The following TTBK2 variants were observed in gnomAD, a reference collection of about 807,000 sequenced individuals.
The protein encoded by TTBK2 is tau-tubulin kinase 2.
Under a neutral mutation model 110.8 loss-of-function variants are expected in TTBK2, and 28 were observed. The ratio of observed to expected loss-of-function variants is 0.25; its 90% CI spans 0.19 to 0.35. The LOEUF is 0.35. Among genes scored for constraint, TTBK2 ranks in the 10% least tolerant of loss-of-function variants. TTBK2 has a pLI of 1.00. For missense variants in TTBK2, 1,369 were observed against 1,500.3 expected, an observed-to-expected ratio of 0.91 and a Z score of 1.45; for synonymous variants, 532 against 527.3, an observed-to-expected ratio of 1.01 and a Z score of -0.12.
chr15:42,896,575 C>T (rs1895676908), intron 1 of TTBK2, among the ~76,000 whole-genome samples: 1 of 152,016 alleles, frequency 6.6e-6, no homozygotes, highest in Non-Finnish European at 1.5e-5. Context: ...TCGCTGGAGG[C>T]CAGGAGTTTA....
intron 9 of TTBK2, among the ~76,000 whole-genome samples, chr15:42,796,593 T>A (rs2140876640): frequency 6.6e-6 from 1 of 152,334 alleles, no homozygotes; most frequent in Non-Finnish European, 1.5e-5. Context: ...GAGTCTGGTA[T>A]TCTAGACTAA....
intron 11 of TTBK2, 52 bp from the exon 12 acceptor site, chr15:42,777,294 G>A (rs1889973870): frequency 1.9e-6 from 3 of 1,547,632 alleles, no homozygotes; most frequent in African/African-American, 1.4e-5. Context: ...CAACACACAT[G>A]AGAGGAATCA....
rs2061733674 is a variant in TTBK2, at chr15:42,739,021, T to C, written c.*6774A>G. On this transcript the variant is annotated 3_prime_UTR_variant, in exon 15 of 15. Transcript: ENST00000267890. ...TTATTACTAGGTTATAAAAATAAAA[T>C]ACAAAATAATTTTAAAACAGAACTT... 1.3e-5 allele frequency: 2 copies of C among 152,190 alleles called. No individual in the cohort carries two copies. The highest frequency in any genetic ancestry group is 2.4e-5 in the African/African-American group (1 of 41,460). 9.4% of individuals were successfully genotyped at this position (152,190 alleles called of 1,614,324 possible). A position where few individuals can be genotyped will look rare whatever the true frequency, so the allele number is the denominator to read the frequency against.
intron 10 of TTBK2, among the ~76,000 whole-genome samples, chr15:42,788,252 T>A (rs937026932): frequency 3.9e-5 from 6 of 152,154 alleles, no homozygotes; most frequent in Non-Finnish European, 8.8e-5. Flanking sequence ...TGCAGTGTGA[T>A]CAGATAATGT....
At chr15:42,766,526 C>T (rs536549808) in intron 13 of TTBK2, among the ~76,000 whole-genome samples, 4 of 137,494 alleles carry the variant, frequency 2.9e-5, no homozygotes, top group East Asian at 4.3e-4. Flanking sequence ...AAGATCAAAA[C>T]AGACAAAGAA....
At chr15:42,760,116 T>C (rs934576535) in intron 13 of TTBK2, among the ~76,000 whole-genome samples, 1 of 152,104 alleles carries the variant, frequency 6.6e-6, no homozygotes. Flanking sequence ...CCGGGTGTGG[T>C]GGCTCACGCC....
At chr15:42,820,632 C>T (rs1032855125) in intron 6 of TTBK2, among the ~76,000 whole-genome samples, 2 of 152,014 alleles carry the variant, frequency 1.3e-5, no homozygotes, top group African/African-American at 4.8e-5. Flanking sequence ...ACCTAAATGT[C>T]TGCCAATAGG....
At chr15:42,860,549 C>A (rs1894113000) in intron 3 of TTBK2, among the ~76,000 whole-genome samples, 1 of 151,606 alleles carries the variant, frequency 6.6e-6, no homozygotes, top group Non-Finnish European at 1.5e-5. Context: ...GAGCTCAAGA[C>A]CAACTGAACT....
intron 1 of TTBK2, among the ~76,000 whole-genome samples, chr15:42,912,673 C>T (rs180750404): frequency 2.0e-4 from 30 of 150,576 alleles, no homozygotes; most frequent in African/African-American, 6.1e-4. Flanking sequence ...ATTGCAAGAT[C>T]GCGCCATTGC....
chr15:42,815,710 G>A (rs1052659629), intron 7 of TTBK2, among the ~76,000 whole-genome samples: 1 of 150,796 alleles, frequency 6.6e-6, no homozygotes, highest in Non-Finnish European at 1.5e-5. Flanking sequence ...AAAACAAAAG[G>A]TTTGGTGGGG....
chr15:42,804,445 A>G (rs908606057), intron 9 of TTBK2, among the ~76,000 whole-genome samples: 2 of 152,036 alleles, frequency 1.3e-5, no homozygotes, highest in Non-Finnish European at 2.9e-5. Flanking sequence ...CCATCTCAAA[A>G]AAAAAAAAAA....
intron 9 of TTBK2, among the ~76,000 whole-genome samples, chr15:42,803,471 C>T (rs1259194944): frequency 6.6e-6 from 1 of 152,112 alleles, no homozygotes; most frequent in Non-Finnish European, 1.5e-5. Flanking sequence ...TGGTTGGCTG[C>T]CCCAGGACCT....
intron 1 of TTBK2, among the ~76,000 whole-genome samples, chr15:42,890,551 C>G (rs1419808201): frequency 6.6e-6 from 1 of 152,186 alleles, no homozygotes; most frequent in Non-Finnish European, 1.5e-5. Flanking sequence ...GCAAATTGCA[C>G]TTCTCTGTCA....
intron 1 of TTBK2, among the ~76,000 whole-genome samples, chr15:42,902,304 T>C (rs2030093756): frequency 6.6e-6 from 1 of 151,228 alleles, no homozygotes; most frequent in Admixed American, 6.6e-5. Flanking sequence ...GTGGATCACC[T>C]CAGGTCTGGA....
intron 1 of TTBK2, among the ~76,000 whole-genome samples, chr15:42,878,905 C>T (rs556749776): frequency 6.6e-6 from 1 of 152,204 alleles, no homozygotes; most frequent in Admixed American, 6.5e-5. Context: ...TACAAAGACA[C>T]CGTTAAAACA....
At chr15:42,874,597 G>A (rs559901017) in intron 2 of TTBK2, among the ~76,000 whole-genome samples, 7 of 151,878 alleles carry the variant, frequency 4.6e-5, no homozygotes, top group South Asian at 4.2e-4. Flanking sequence ...GATTCCAGGC[G>A]TGAGCCACCA....
intron 13 of TTBK2, among the ~76,000 whole-genome samples, chr15:42,758,259 C>G (rs1200463676): frequency 6.6e-6 from 1 of 152,154 alleles, no homozygotes; most frequent in South Asian, 2.1e-4. Flanking sequence ...TGTATTGGTA[C>G]CTAATACAGC....
rs948463594 is a variant in TTBK2 at position 42,746,049 on chromosome 15, G to T, written c.3481C>A (p.Pro1161Thr). 2 of 1,614,062 alleles carry T rather than the reference G, an allele frequency of 1.2e-6. No individual in the cohort carries two copies. Among genetic ancestry groups the T allele is most frequent in the African/African-American group, 1.3e-5 (1 of 74,908 alleles). ...PSASPRSSSL[P>T]RTSSSSPSRA... ...GATGGTGAGGAACTAGACGTGCGAG[G>T]CAAGGATGAGCTTCGAGGAGAGGCA... Residue 1161 changes from proline to threonine, a missense_variant, in exon 15 of 15, where the codon CCT becomes ACT. Physicochemically the swap from Pro to Thr is conservative, Grantham distance 38 (BLOSUM62 -1). This residue lies in a region of TTBK2 where 1,097 missense variants were observed against 1,114.7 expected (regional missense o/e 0.98). Transcript: ENST00000267890.
chr15:42,867,297 C>G (rs1424455441), intron 3 of TTBK2, among the ~76,000 whole-genome samples: 1 of 149,710 alleles, frequency 6.7e-6, no homozygotes, highest in Non-Finnish European at 1.5e-5. Flanking sequence ...AATCAATAAC[C>G]AAAGTTTTTA....
Sources: allele counts gnomAD v4.1 joint callset (sites outside exome capture counted in the v4.1 genomes callset), GRCh38; gene constraint gnomAD v4.1.1; regional missense constraint gnomAD v4.1.1; transcripts MANE v1.5; gene names NCBI Gene and HGNC (gene_info 2026-07-23, HGNC 2026-07-21).